Variants in GSTM3 observed in about 807,000 individuals in gnomAD.
GSTM3 encodes the protein GST class-mu 3.
In GSTM3, 34 loss-of-function variants were observed where a neutral mutation model predicts 36.1. The ratio of observed to expected loss-of-function variants is 0.94; its 90% CI spans 0.72 to 1.25. The LOEUF is 1.25. Ranked by LOEUF, GSTM3 falls within the 50% of genes most tolerant of loss-of-function variation. GSTM3 has a pLI of 0.00. For synonymous variants in GSTM3, 102 were observed against 99.5 expected, an observed-to-expected ratio of 1.03 and a Z score of -0.15; for missense variants, 266 against 281.6, an observed-to-expected ratio of 0.94 and a Z score of 0.40.
intron 8 of GSTM3, 44 bp from the exon 9 acceptor site, chr1:109,737,213 T>G: frequency 7.6e-7 from 1 of 1,310,948 alleles, no homozygotes; most frequent in Non-Finnish European, 1.1e-6. Context: ...CCCAACCCAG[T>G]CCAACAGATG....
At position 109,737,701 on chromosome 1, in the gene GSTM3, T is replaced by C. The variant is rs1271674725; in HGVS notation, c.423A>G (p.Gln141=). 1 of 1,609,890 alleles carries C rather than the reference T, an allele frequency of 6.2e-7. No individual in the cohort carries two copies. Among genetic ancestry groups the C allele is most frequent in the Non-Finnish European group, 8.5e-7 (1 of 1,177,896 alleles). Residue 141 remains glutamine (Q), a synonymous_variant, in exon 7 of 9, where the codon CAA becomes CAG. Transcript: ENST00000361066. Reference sequence around the variant, plus strand: ...AGAATTTCCCCAGAAACATGGAGAATTGTTTCAGTTGTCCAGGTAGCTCTT... The same window carrying C: ...AGAATTTCCCCAGAAACATGGAGAACTGTTTCAGTTGTCCAGGTAGCTCTT... ...YLEELPGQLK[Q]FSMFLGKFSW...
At chr1:109,740,597 A>G (rs1649354772) in intron 1 of GSTM3, 86 bp from the exon 2 acceptor site, 5 of 403,070 alleles carry the variant, frequency 1.2e-5, no homozygotes, top group Non-Finnish European at 1.8e-5. Context: ...GGTGCCAGTG[A>G]AGACGCGAAA....
In GSTM3 at chr1:109,739,876, G is replaced by C; in HGVS notation, c.81C>G (p.Phe27Leu). Residue 27 changes from phenylalanine to leucine, a missense_variant, in exon 3 of 9, where the codon TTC (phenylalanine) becomes TTG (leucine). Transcript: ENST00000361066. ...GTTTCTCCTCATAAGAGGTATCCGT[G>C]AACTCCAGGAGCAGGCGGATGGCGT... Reference protein sequence around the residue: ...LAHAIRLLLEFTDTSYEEKRY... With the variant: ...LAHAIRLLLELTDTSYEEKRY... The C allele has an allele frequency of 1.3e-6, 2 of 1,555,550 alleles. No homozygotes were observed. The highest frequency in any genetic ancestry group is 1.7e-6 in the Non-Finnish European group (2 of 1,148,800).
In GSTM3 at chr1:109,737,508, G is replaced by A; in HGVS notation, c.528C>T (p.Pro176=). ...GGTTTGGGAACTCATCCAGGCACTTGGGGTCAAATATACGGTTCTGATCCA... is the reference window on the plus strand; with the variant it reads ...GGTTTGGGAACTCATCCAGGCACTTAGGGTCAAATATACGGTTCTGATCCA... ...DILDQNRIFD[P]KCLDEFPNLK... is the part of the protein sequence containing the mutation. The change falls in exon 8 of 9, where the codon CCC becomes CCT. Residue 176 remains proline, a synonymous_variant. Coordinates refer to ENST00000361066, the MANE Select transcript of GSTM3 (RefSeq NM_000849.5). The A allele has an allele frequency of 6.2e-7, 1 of 1,613,634 alleles. No homozygotes were observed. Among genetic ancestry groups the A allele is most frequent in the Non-Finnish European group, 8.5e-7 (1 of 1,179,648 alleles).
chr1:109,740,155 C>T, intron 2 of GSTM3, 85 bp downstream of exon 2: 1 of 1,244,736 alleles, frequency 8.0e-7, no homozygotes, highest in South Asian at 1.3e-5. Flanking sequence ...AGAGCTGCTC[C>T]TGCTGGAGAT....
chr1:109,735,956 T>G lies in GSTM3; in HGVS notation c.*1115A>C, dbSNP rs985934641. On this transcript the variant is annotated 3_prime_UTR_variant, in exon 9 of 9. Transcript: ENST00000361066. Reference sequence around the variant, plus strand: ...AAGCCCGGCCATGGATGAGTTTTTATAGCATGGAATTGCTGGGTCATAGGA... The same window carrying G: ...AAGCCCGGCCATGGATGAGTTTTTAGAGCATGGAATTGCTGGGTCATAGGA... 6.6e-6 allele frequency: 1 copy of G among 152,204 alleles called. No individual in the cohort carries two copies. The highest frequency in any genetic ancestry group is 3.2e-3 in the Middle Eastern group (1 of 316). 9.4% of individuals were successfully genotyped at this position (152,204 alleles called of 1,614,324 possible).
rs1649178782 is a variant in GSTM3 at position 109,735,648 on chromosome 1, T to TAG, written c.*1422_*1423insCT. 4 of 138,252 alleles carry TAG rather than the reference T, an allele frequency of 2.9e-5. No homozygotes were observed. The highest frequency in any genetic ancestry group is 2.5e-4 in the South Asian group (1 of 3,998). The allele number at this position is 138,252 out of a possible 1,614,324, so 8.6% of individuals were successfully genotyped here. A position where few individuals can be genotyped will look rare whatever the true frequency, so the allele number is the denominator to read the frequency against. On this transcript the variant is annotated 3_prime_UTR_variant, in exon 9 of 9. Transcript: ENST00000361066. ...CTCTTTGAATGTTTTTTTTTTTTTT[T>TAG]TTTTTTTTTTTTTGAGACAGAGTCT...
At chr1:109,738,029 G>T in intron 6 of GSTM3, 62 bp downstream of exon 6, 1 of 1,016,152 alleles carries the variant, frequency 9.8e-7, no homozygotes, top group Non-Finnish European at 1.6e-6. Context: ...GATAACCCTT[G>T]GGTTCCTAAA....
intron 4 of GSTM3, 21 bp from the exon 5 acceptor site, chr1:109,738,387 C>T: frequency 2.0e-6 from 3 of 1,522,362 alleles, no homozygotes; most frequent in Non-Finnish European, 1.8e-6. Context: ...AAGGACAGGA[C>T]AAATGAACAA....
At position 109,737,087 on chromosome 1, in the gene GSTM3, T is replaced by C. The variant is rs770992867; in HGVS notation, c.662A>G (p.Asn221Ser). Residue 221 changes from asparagine (N) to serine (S), a missense_variant, in exon 9 of 9, where the codon AAC becomes AGC. By Grantham distance (46) the Asn-to-Ser change is conservative. Transcript: ENST00000361066. ...GCCTCCTGCTCAGCATACAGGCTTG[T>C]TGCCCCACTGGGCCATCTTGTTGTT... is the stretch of plus-strand genomic sequence containing the variant. ...PINNKMAQWGNKPVC is the reference protein window; with the variant it reads ...PINNKMAQWGSKPVC 53 of 1,609,430 alleles carry C rather than the reference T, an allele frequency of 3.3e-5. No individual in the cohort carries two copies. Among genetic ancestry groups the C allele is most frequent in the Non-Finnish European group, 4.4e-5 (52 of 1,175,766 alleles).
In GSTM3 at chr1:109,740,592, C is replaced by T; in HGVS notation, c.-224-81G>A. 7.1e-6 allele frequency: 3 copies of T among 423,206 alleles called. No individual in the cohort carries two copies. The East Asian group carries it at 1.5e-4, about 21-fold the overall frequency. The allele number at this position is 423,206 out of a possible 1,614,324, so 26.2% of individuals were successfully genotyped here. On this transcript the variant is annotated intron_variant, in intron 1 of 8. Coordinates refer to ENST00000361066, the MANE Select transcript of GSTM3 (RefSeq NM_000849.5). ...GCCAGACTTCATTCATTAATGGTGC[C>T]AGTGAAGACGCGAAAAGCACCACTA...
chr1:109,738,126 T>C lies in GSTM3; in HGVS notation c.337A>G (p.Thr113Ala). The C allele has an allele frequency of 6.2e-7, 1 of 1,613,742 alleles. No homozygotes were observed. Among genetic ancestry groups the C allele is most frequent in the Non-Finnish European group, 8.5e-7 (1 of 1,179,606 alleles). The change falls in exon 6 of 9, where the codon ACA becomes GCA. Residue 113 changes from threonine (T) to alanine (A), a missense_variant. Coordinates refer to ENST00000361066, the MANE Select transcript of GSTM3 (RefSeq NM_000849.5). ...CTGTAACAGAGCCTTATCAGTTGTG[T>C]GCGGAAATCCATTACTTGGTTCTCT... Reference protein sequence around the residue: ...IIENQVMDFRTQLIRLCYSSD... With the variant: ...IIENQVMDFRAQLIRLCYSSD...
rs1299992440 is a variant in GSTM3 at position 109,738,331 on chromosome 1, G to T, written c.225C>A (p.Thr75=). Residue 75 remains threonine, a synonymous_variant, in exon 5 of 9, where the codon ACC becomes ACA. Transcript: ENST00000361066. ...PYLLDGKNKI[T]QSNAILRYIA... is the part of the protein sequence containing the mutation. ...TGTAGCGCAAGATGGCATTGCTCTG[G>T]GTGATCTTGTTCTTCCCATCCAGGA... The T allele has an allele frequency of 1.2e-6, 2 of 1,614,074 alleles. No individual in the cohort carries two copies. Among genetic ancestry groups the T allele is most frequent in the Non-Finnish European group, 1.7e-6 (2 of 1,179,908 alleles).
intron 2 of GSTM3, 87 bp downstream of exon 2, chr1:109,740,153 T>G: frequency 8.2e-7 from 1 of 1,222,104 alleles, no homozygotes; most frequent in Admixed American, 1.9e-5. Flanking sequence ...GTAGAGCTGC[T>G]CCTGCTGGAG....
chr1:109,737,583 TA>T lies in GSTM3; in HGVS notation c.469-17del, dbSNP rs1374380020. 3.1e-5 allele frequency: 48 copies of T among 1,568,252 alleles called. No homozygotes were observed. The highest frequency in any genetic ancestry group is 4.2e-5 in the Non-Finnish European group (48 of 1,138,416). On this transcript the variant is annotated splice_polypyrimidine_tract_variant and intron_variant, in intron 7 of 8. Coordinates refer to ENST00000361066, the MANE Select transcript of GSTM3 (RefSeq NM_000849.5). ...CAAAGGTGAGCTAGAAGAAAAGCAA[TA>T]AGATGCTTAGGTCTGAGGAGTAGTA...
At chr1:109,738,248 C>T (rs767274327) in intron 5 of GSTM3, 37 bp downstream of exon 5, 3 of 1,602,038 alleles carry the variant, frequency 1.9e-6, no homozygotes, top group Non-Finnish European at 2.6e-6. Flanking sequence ...AGACAAACTA[C>T]CAGCCTGGGG....
In GSTM3 at chr1:109,740,469, G is replaced by T. The variant is rs1489853750; in HGVS notation, c.-182C>A. On this transcript the variant is annotated 5_prime_UTR_variant, in exon 2 of 9. Transcript: ENST00000361066. ...AGGCGCGACTAATGCCGGCGTTGGG[G>T]TTCAGGGCCTGGCGACCCCGAGGCG... is the stretch of plus-strand genomic sequence containing the variant. 3.4e-5 allele frequency: 21 copies of T among 609,714 alleles called. No individual in the cohort carries two copies. The highest frequency in any genetic ancestry group is 5.7e-5 in the Non-Finnish European group (20 of 348,912). 37.8% of individuals were successfully genotyped at this position (609,714 alleles called of 1,614,324 possible).
At position 109,740,235 on chromosome 1, in the gene GSTM3, C is replaced by T. The variant is rs751349268; in HGVS notation, c.48+5G>A. ...GAGCGGCTCTACCGTTGAGACGGCA[C>T]TCACCCCACGAATATCCCAGTACCC... On this transcript the variant is annotated splice_donor_5th_base_variant and intron_variant, in intron 2 of 8. Transcript: ENST00000361066. 5 of 1,612,722 alleles carry T rather than the reference C, an allele frequency of 3.1e-6. No homozygotes were observed. The highest frequency in any genetic ancestry group is 1.3e-5 in the African/African-American group (1 of 74,910).
At chr1:109,740,159 TG>T in intron 2 of GSTM3, 80 bp downstream of exon 2, 1 of 1,273,634 alleles carries the variant, frequency 7.9e-7, no homozygotes. Flanking sequence ...CTGCTCCTGC[TG>T]GAGATCGCGG....
Sources: allele counts gnomAD v4.1 joint callset, GRCh38; gene constraint gnomAD v4.1.1; transcripts MANE v1.5; gene names NCBI Gene and HGNC (gene_info 2026-07-23, HGNC 2026-07-21).